The following DCT variants were observed in gnomAD, a reference collection of about 807,000 sequenced individuals.
DCT encodes the protein dopachrome tautomerase.
In DCT, 47 loss-of-function variants were observed where a neutral mutation model predicts 53.0. The ratio of observed to expected loss-of-function variants is 0.89; its 90% CI spans 0.70 to 1.13. DCT has a LOEUF of 1.13. DCT is among the 50% of genes most tolerant of loss of function. The pLI is 0.00. For missense variants in DCT, 669 were observed against 637.4 expected (o/e 1.05, Z -0.53); for synonymous variants, 244 against 237.0 (o/e 1.03, Z -0.27).
intron 6 of DCT, among the ~76,000 whole-genome samples, chr13:94,452,372 T>A (rs1883152426): frequency 6.6e-6 from 1 of 152,194 alleles, no homozygotes; most frequent in African/African-American, 2.4e-5. Flanking sequence ...AATTAAAATT[T>A]GCTAAAATGC....
chr13:94,473,512 A>C (rs1259325239), intron 1 of DCT, among the ~76,000 whole-genome samples: 1 of 152,232 alleles, frequency 6.6e-6, no homozygotes, highest in Admixed American at 6.5e-5. Context: ...TGAGGCAATA[A>C]TACCTTAGTC....
chr13:94,440,097 C>T lies in DCT; in HGVS notation c.1382-21G>A, dbSNP rs534874126. The stretch of plus-strand genomic sequence containing the variant: ...TGAAACTAAAGCAGAAGAGAAGGGT[C>T]TACAATCAGGATTTTCATCAGCTGA... On this transcript the variant is annotated intron_variant, in intron 7 of 7. Transcript: ENST00000377028. The T allele has an allele frequency of 2.5e-6, 4 of 1,597,440 alleles. No homozygotes were observed. In the East Asian group the frequency reaches 8.9e-5, roughly 36 times the overall value.
At chr13:94,508,686 T>A in the DCT span, among the ~76,000 whole-genome samples, 1 of 152,160 alleles carries the variant, frequency 6.6e-6, no homozygotes, top group Non-Finnish European at 1.5e-5. Context: ...GGGATTCGAA[T>A]TGTTGTGTGT....
chr13:94,465,858 C>T, intron 3 of DCT, 59 bp from the exon 4 acceptor site: 1 of 1,473,244 alleles, frequency 6.8e-7, no homozygotes, highest in Admixed American at 1.8e-5. Context: ...AACAAGAAAG[C>T]ATACAAGGCA....
At chr13:94,532,446 C>T in the DCT span, among the ~76,000 whole-genome samples, 81 of 152,254 alleles carry the variant, frequency 5.3e-4, no homozygotes, top group Admixed American at 1.2e-3. Flanking sequence ...CCATGGAATA[C>T]TATGCAGCCA....
chr13:94,468,791 A>G lies in DCT; in HGVS notation c.550T>C (p.Phe184Leu). The G allele has an allele frequency of 1.2e-6, 2 of 1,614,234 alleles. No homozygotes were observed. The change falls in exon 2 of 8, where the codon TTT (phenylalanine) becomes CTT (leucine). Residue 184 changes from phenylalanine (F) to leucine (L), a missense_variant. By Grantham distance (22) the Phe-to-Leu change is conservative (BLOSUM62 0). Coordinates refer to ENST00000377028, the MANE Select transcript of DCT (RefSeq NM_001922.5). ...GAATAATAATGGAGCCACACAAAAA[A>G]ATCATAAACACTGCAGTTGGCAAAC... ...PQFANCSVYD[F>L]FVWLHYYSVR...
In DCT at chr13:94,479,396, AAATACCCAC is replaced by A. The variant is rs1244977978; in HGVS notation, c.-150_-142del. ...GCTTTCTATTCCTTTCTTCTTAAAA[AAATACCCAC>A]AAGAATCACAGAGGTTACATGTGTG... On this transcript the variant is annotated 5_prime_UTR_variant, in exon 1 of 8. Coordinates refer to ENST00000377028, the MANE Select transcript of DCT (RefSeq NM_001922.5). The A allele has an allele frequency of 5.0e-6, 4 of 799,412 alleles. No individual in the cohort carries two copies. In the East Asian group the frequency reaches 1.1e-4, roughly 22 times the overall value. The allele number at this position is 799,412 out of a possible 1,614,324, so 49.5% of individuals were successfully genotyped here. A position where few individuals can be genotyped will look rare whatever the true frequency, so the allele number is the denominator to read the frequency against.
chr13:94,503,173 T>C, the DCT span, among the ~76,000 whole-genome samples: 1 of 151,638 alleles, frequency 6.6e-6, no homozygotes, highest in Non-Finnish European at 1.5e-5. Context: ...AGTCCAGGAG[T>C]TCAACGCCAG....
the DCT span, among the ~76,000 whole-genome samples, chr13:94,488,768 A>G: frequency 3.1e-5 from 4 of 128,996 alleles, no homozygotes; most frequent in Non-Finnish European, 6.8e-5. Flanking sequence ...ACACACACAC[A>G]CGCCATATAT....
the DCT span, among the ~76,000 whole-genome samples, chr13:94,505,692 G>A: frequency 1.3e-5 from 2 of 152,170 alleles, no homozygotes; most frequent in South Asian, 4.1e-4. Flanking sequence ...AAACATGATG[G>A]GACATCACTT....
intron 2 of DCT, chr13:94,468,376 G>A (rs973795542): frequency 7.8e-5 from 16 of 205,294 alleles, no homozygotes; most frequent in African/African-American, 2.1e-4. Flanking sequence ...CTCTAATTTG[G>A]AGAAAAGGTC....
chr13:94,469,125 T>A, intron 1 of DCT, 80 bp from the exon 2 acceptor site: 1 of 1,230,886 alleles, frequency 8.1e-7, no homozygotes, highest in Non-Finnish European at 1.2e-6. Flanking sequence ...ACTCTGAAAT[T>A]TGAATGGAAG....
the DCT span, among the ~76,000 whole-genome samples, chr13:94,492,668 A>G: frequency 6.6e-6 from 1 of 152,200 alleles, no homozygotes; most frequent in African/African-American, 2.4e-5. Flanking sequence ...TTGAGGTTTA[A>G]TATAATTTTT....
At chr13:94,485,344 T>G in the DCT span, among the ~76,000 whole-genome samples, 1 of 152,108 alleles carries the variant, frequency 6.6e-6, no homozygotes, top group Non-Finnish European at 1.5e-5. Flanking sequence ...GCATCATCAG[T>G]GTTTCCAAAG....
chr13:94,496,789 A>G, the DCT span, among the ~76,000 whole-genome samples: 2 of 152,172 alleles, frequency 1.3e-5, no homozygotes, highest in South Asian at 2.1e-4. Flanking sequence ...CCTAGATACC[A>G]GGACTTCAGA....
chr13:94,528,285 A>C, the DCT span, among the ~76,000 whole-genome samples: 1 of 152,296 alleles, frequency 6.6e-6, no homozygotes, highest in East Asian at 1.9e-4. Flanking sequence ...GGAAATAAAG[A>C]GAACACCACA....
intron 6 of DCT, among the ~76,000 whole-genome samples, 194 bp from the exon 7 acceptor site, chr13:94,443,831 C>T (rs549819781): frequency 6.6e-6 from 1 of 152,104 alleles, no homozygotes; most frequent in East Asian, 1.9e-4. Flanking sequence ...ACTATGATGG[C>T]GAGGATCAAG....
the DCT span, among the ~76,000 whole-genome samples, chr13:94,530,675 C>T: frequency 6.6e-6 from 1 of 151,642 alleles, no homozygotes; most frequent in Non-Finnish European, 1.5e-5. Flanking sequence ...AAACCCACAG[C>T]CAATATCATC....
chr13:94,531,999 A>G, the DCT span, among the ~76,000 whole-genome samples: 1 of 152,360 alleles, frequency 6.6e-6, no homozygotes, highest in East Asian at 1.9e-4. Context: ...GCTTCTCAAA[A>G]GAAGCCATTT....
Sources: gnomAD v4.1 joint callset for allele counts (sites outside exome capture counted in the v4.1 genomes callset) on GRCh38, gnomAD v4.1.1 for gene constraint, MANE v1.5 for transcripts, NCBI Gene and HGNC (gene_info 2026-07-23, HGNC 2026-07-21) for gene names.